KCNG3: variants seen among roughly 807,000 people sequenced by gnomAD.
The protein encoded by KCNG3 is potassium voltage-gated channel modifier subfamily G member 3, also known as voltage-gated potassium channel regulatory subunit KCNG3.
A neutral mutation model predicts 29.0 loss-of-function variants in KCNG3; 15 were observed. That is an observed-to-expected ratio of 0.52 (90% CI 0.35 to 0.80). The LOEUF is 0.80. Ranked by LOEUF, KCNG3 falls within the 30% of genes least tolerant of loss-of-function variation. The probability of loss-of-function intolerance (pLI) is 0.01; values close to 1 mark genes in which losing one functional copy is unlikely to be tolerated. For synonymous variants in KCNG3, 322 were observed against 248.9 expected, an observed-to-expected ratio of 1.29 and a Z score of -2.76; for missense variants, 512 against 605.7, an observed-to-expected ratio of 0.85 and a Z score of 1.62.
At chr2:42,393,940 C>G in the KCNG3 span, among the ~76,000 whole-genome samples, 1 of 152,054 alleles carries the variant, frequency 6.6e-6, no homozygotes, top group South Asian at 2.1e-4. Flanking sequence ...GACACCATGC[C>G]CAACTAATTT....
chr2:42,485,009 T>C (rs755967636), intron 1 of KCNG3, among the ~76,000 whole-genome samples: 6 of 152,244 alleles, frequency 3.9e-5, no homozygotes, highest in African/African-American at 7.2e-5. Flanking sequence ...CTTTTTATTT[T>C]TAAAGTACTT....
At chr2:42,418,130 C>T in the KCNG3 span, among the ~76,000 whole-genome samples, 8 of 152,076 alleles carry the variant, frequency 5.3e-5, no homozygotes, top group African/African-American at 1.7e-4. Flanking sequence ...ATTTCCATAA[C>T]TCTTTAATTA....
intron 1 of KCNG3, among the ~76,000 whole-genome samples, chr2:42,456,948 AG>A (rs772439429): frequency 1.3e-5 from 2 of 152,176 alleles, no homozygotes; most frequent in Admixed American, 6.5e-5. Flanking sequence ...TTTTTTTGAG[AG>A]GAAAAAAACA....
At chr2:42,423,113 A>G in the KCNG3 span, among the ~76,000 whole-genome samples, 2 of 152,178 alleles carry the variant, frequency 1.3e-5, no homozygotes, top group South Asian at 2.1e-4. Context: ...AGTCGGCTTG[A>G]TATTTCCATT....
chr2:42,482,930 G>C (rs986745972), intron 1 of KCNG3, among the ~76,000 whole-genome samples: 1 of 151,892 alleles, frequency 6.6e-6, no homozygotes, highest in African/African-American at 2.4e-5. Context: ...AGACCAGCCC[G>C]GACAATATAG....
chr2:42,472,870 T>A (rs1471464064), intron 1 of KCNG3, among the ~76,000 whole-genome samples: 2 of 146,828 alleles, frequency 1.4e-5, no homozygotes, highest in Non-Finnish European at 3.0e-5. Flanking sequence ...TATAAATATA[T>A]ATATATAGAT....
At chr2:42,397,211 T>C in the KCNG3 span, among the ~76,000 whole-genome samples, 1 of 145,208 alleles carries the variant, frequency 6.9e-6, no homozygotes, top group Non-Finnish European at 1.5e-5. Flanking sequence ...ACCATTGCAC[T>C]CCAGCCTGGG....
intron 1 of KCNG3, among the ~76,000 whole-genome samples, chr2:42,462,921 T>C (rs1426879943): frequency 6.6e-6 from 1 of 152,100 alleles, no homozygotes. Context: ...GGCTACCAAA[T>C]TCCCCCCAAG....
intron 1 of KCNG3, chr2:42,470,001 GT>G: frequency 2.0e-6 from 1 of 503,320 alleles, no homozygotes; most frequent in Non-Finnish European, 3.6e-6. Flanking sequence ...GCACAAGTAC[GT>G]TTTGTGACAG....
At chr2:42,417,673 T>C in the KCNG3 span, among the ~76,000 whole-genome samples, 4 of 152,096 alleles carry the variant, frequency 2.6e-5, no homozygotes, top group Non-Finnish European at 5.9e-5. Flanking sequence ...TTTTGTGTAG[T>C]AAACTATACT....
At chr2:42,423,917 T>C in the KCNG3 span, among the ~76,000 whole-genome samples, 6 of 152,232 alleles carry the variant, frequency 3.9e-5, no homozygotes, top group African/African-American at 1.4e-4. Context: ...TTATACTATT[T>C]TGATACATTT....
At chr2:42,477,418 CACACAT>C (rs1228228350) in intron 1 of KCNG3, among the ~76,000 whole-genome samples, 1 of 49,328 alleles carries the variant, frequency 2.0e-5, no homozygotes, top group African/African-American at 4.9e-5. Context: ...CACACACACA[CACACAT>C]ATATTTTTTT....
At chr2:42,445,126 C>T (rs926405502) in intron 1 of KCNG3, among the ~76,000 whole-genome samples, 1 of 149,012 alleles carries the variant, frequency 6.7e-6, no homozygotes, top group Admixed American at 6.7e-5. Context: ...TTCTATGCTA[C>T]AATACTATTA....
the KCNG3 span, among the ~76,000 whole-genome samples, chr2:42,426,492 T>C: frequency 4.6e-5 from 7 of 152,220 alleles, no homozygotes; most frequent in Admixed American, 2.0e-4. Flanking sequence ...ACAGTAGTTA[T>C]GTATATACAG....
chr2:42,455,157 G>A (rs950212718), intron 1 of KCNG3, among the ~76,000 whole-genome samples: 1 of 152,050 alleles, frequency 6.6e-6, no homozygotes, highest in Non-Finnish European at 1.5e-5. Flanking sequence ...TATCTTTTAT[G>A]TTCTTTATAT....
the KCNG3 span, among the ~76,000 whole-genome samples, chr2:42,419,162 GAA>G: frequency 6.8e-6 from 1 of 146,652 alleles, no homozygotes; most frequent in East Asian, 2.0e-4. Context: ...CAGGCCTGTG[GAA>G]ATTCGCATGT....
chr2:42,420,317 G>C, the KCNG3 span, among the ~76,000 whole-genome samples: 1 of 152,238 alleles, frequency 6.6e-6, no homozygotes, highest in Non-Finnish European at 1.5e-5. Context: ...CAAAGAGCTA[G>C]TGTGCTTTTG....
the KCNG3 span, among the ~76,000 whole-genome samples, chr2:42,424,045 A>G: frequency 6.6e-6 from 1 of 152,180 alleles, no homozygotes; most frequent in Non-Finnish European, 1.5e-5. Context: ...CTTTAGGCTC[A>G]AGACCCCCAC....
chr2:42,403,621 CT>C, the KCNG3 span, among the ~76,000 whole-genome samples: 30,702 of 134,214 alleles, frequency 0.23, 3,375 homozygotes, highest in African/African-American at 0.38. Flanking sequence ...ACTTTTTTTT[CT>C]TTTTTTTTTT....
Sources: gnomAD v4.1 joint callset for allele counts (sites outside exome capture counted in the v4.1 genomes callset) on GRCh38, gnomAD v4.1.1 for gene constraint, MANE v1.5 for transcripts, NCBI Gene and HGNC (gene_info 2026-07-23, HGNC 2026-07-21) for gene names.